Variants in SGK3 observed in about 807,000 individuals in gnomAD.
The protein encoded by SGK3 is serine/threonine-protein kinase Sgk3.
SGK3 carries 47 observed loss-of-function variants against 68.5 expected under a neutral mutation model. That is an observed-to-expected ratio of 0.69 (90% CI 0.54 to 0.87). The LOEUF is 0.87. Ranked by LOEUF, SGK3 falls within the 40% of genes least tolerant of loss-of-function variation. The probability of loss-of-function intolerance (pLI) is 0.00; values close to 1 mark genes in which losing one functional copy is unlikely to be tolerated. For missense variants in SGK3, 479 were observed against 575.5 expected (o/e 0.83, Z 1.72); for synonymous variants, 181 against 189.1 (o/e 0.96, Z 0.35).
At chr8:66,755,258 C>CAAAAA in intron 1 of SGK3, among the ~76,000 whole-genome samples, 1 of 87,024 alleles carries the variant, frequency 1.1e-5, no homozygotes, top group African/African-American at 3.6e-5. Flanking sequence ...GACTCCATCT[C>CAAAAA]AAAAAAAAAA....
intron 1 of SGK3, among the ~76,000 whole-genome samples, chr8:66,740,602 T>C (rs1039812218): frequency 6.6e-6 from 1 of 152,206 alleles, no homozygotes. Flanking sequence ...GGTCATCTGC[T>C]CACACCTTAA....
chr8:66,794,624 C>T (rs1057432705), intron 2 of SGK3, among the ~76,000 whole-genome samples: 1 of 152,084 alleles, frequency 6.6e-6, no homozygotes, highest in Admixed American at 6.6e-5. Flanking sequence ...TTAACCAGGT[C>T]TCAGGATAAA....
intron 1 of SGK3, among the ~76,000 whole-genome samples, chr8:66,787,001 C>A (rs541103225): frequency 4.1e-4 from 51 of 124,042 alleles, no homozygotes; most frequent in African/African-American, 1.5e-3. Context: ...GCAGTAGCAC[C>A]ATCTTGGCTC....
At chr8:66,771,173 A>G (rs1013378163) in intron 1 of SGK3, among the ~76,000 whole-genome samples, 1 of 152,192 alleles carries the variant, frequency 6.6e-6, no homozygotes, top group Non-Finnish European at 1.5e-5. Flanking sequence ...GGAGAGGTAG[A>G]GAAAAGTTTC....
At position 66,723,158 on chromosome 8, in the gene SGK3, AG is replaced by A. The variant is rs201835399; in HGVS notation, c.-122+10328del. ...TTTTTTTTTTTTTTTTTTTTGTAAAAGGGTCGGCTGGGCACAGCGACTTACG... is the reference window on the plus strand; with the variant it reads ...TTTTTTTTTTTTTTTTTTTTGTAAAAGGTCGGCTGGGCACAGCGACTTACG... On this transcript the variant is annotated intron_variant, in intron 1 of 16. Transcript: ENST00000521198. 4.0e-3 allele frequency among the ~76,000 whole-genome samples: 304 copies of A among 76,614 alleles called. 9 individuals carry two copies. In the Admixed American group the frequency reaches 0.041, roughly 10 times the overall value. 50.3% of individuals were successfully genotyped at this position (76,614 alleles called of 152,430 possible).
At chr8:66,738,619 C>G (rs1437217984) in intron 1 of SGK3, among the ~76,000 whole-genome samples, 1 of 150,440 alleles carries the variant, frequency 6.6e-6, no homozygotes, top group African/African-American at 2.5e-5. Flanking sequence ...AGAACTGGCT[C>G]AAGATCCACT....
intron 1 of SGK3, among the ~76,000 whole-genome samples, chr8:66,731,237 G>A (rs1484300329): frequency 6.6e-6 from 1 of 152,126 alleles, no homozygotes; most frequent in African/African-American, 2.4e-5. Context: ...GTGTATGTTA[G>A]AAGAATATGT....
chr8:66,723,090 CATATATATATAT>C (rs1168038766), intron 1 of SGK3, among the ~76,000 whole-genome samples: 62 of 21,274 alleles, frequency 2.9e-3, no homozygotes, highest in Admixed American at 5.7e-3. Context: ...AGATTTTGTT[CATATATATATAT>C]ATATATATAT....
At chr8:66,851,179 A>G (rs907131608) in intron 16 of SGK3, among the ~76,000 whole-genome samples, 6 of 152,130 alleles carry the variant, frequency 3.9e-5, no homozygotes, top group Non-Finnish European at 7.4e-5. Flanking sequence ...ATAAGAAAAG[A>G]ATGAACTCAA....
At chr8:66,763,543 G>T (rs1469637949) in intron 1 of SGK3, among the ~76,000 whole-genome samples, 3 of 152,058 alleles carry the variant, frequency 2.0e-5, no homozygotes, top group Non-Finnish European at 4.4e-5. Context: ...CATAATCTTG[G>T]TACTAGGGGT....
chr8:66,813,947 G>C lies in SGK3; in HGVS notation c.329+19G>C. 6.4e-7 allele frequency: 1 copy of C among 1,553,756 alleles called. No homozygotes were observed. The highest frequency in any genetic ancestry group is 8.7e-7 in the Non-Finnish European group (1 of 1,151,932). On this transcript the variant is annotated intron_variant, in intron 5 of 16. Transcript: ENST00000521198. The stretch of plus-strand genomic sequence containing the variant: ...ATAACCAGTAAGTAATTTTTGTTGC[G>C]TTCTAAAGGGACATTAAAACTAAAC...
At chr8:66,723,106 TATATATATATATATATATATA>T (rs1563595087) in intron 1 of SGK3, among the ~76,000 whole-genome samples, 4 of 39,984 alleles carry the variant, frequency 1.0e-4, no homozygotes, top group Non-Finnish European at 2.0e-4. Flanking sequence ...TATATATATA[TATATATATATATATATATATA>T]TATATTTTTT....
chr8:66,836,221 T>C, intron 10 of SGK3, 147 bp downstream of exon 10: 1 of 1,102,450 alleles, frequency 9.1e-7, no homozygotes, highest in Non-Finnish European at 1.3e-6. Flanking sequence ...GTACAGGATG[T>C]GGAGAATTGT....
intron 3 of SGK3, 51 bp from the exon 4 acceptor site, chr8:66,804,324 C>G: frequency 6.6e-7 from 1 of 1,510,890 alleles, no homozygotes; most frequent in Non-Finnish European, 9.0e-7. Flanking sequence ...GTGTGCATAA[C>G]TAGAAGACTT....
intron 1 of SGK3, among the ~76,000 whole-genome samples, chr8:66,769,372 C>T (rs916600616): frequency 2.6e-5 from 4 of 152,140 alleles, no homozygotes; most frequent in Admixed American, 6.5e-5. Context: ...TACAGATGTG[C>T]GCCACCATGC....
chr8:66,844,981 C>T (rs1332046486), intron 14 of SGK3, among the ~76,000 whole-genome samples: 1 of 152,186 alleles, frequency 6.6e-6, no homozygotes, highest in Non-Finnish European at 1.5e-5. Context: ...CTTGATATTT[C>T]AGAATCCTTC....
At chr8:66,749,574 T>A (rs1172360134) in intron 1 of SGK3, among the ~76,000 whole-genome samples, 2 of 152,146 alleles carry the variant, frequency 1.3e-5, no homozygotes, top group African/African-American at 4.8e-5. Context: ...TTTCTGAATT[T>A]CATATGAAAC....
intron 13 of SGK3, among the ~76,000 whole-genome samples, chr8:66,843,226 C>T (rs1263851934): frequency 6.6e-6 from 1 of 152,072 alleles, no homozygotes; most frequent in Admixed American, 6.5e-5. Context: ...TTAACTGTAT[C>T]ACAGTTTCCA....
At chr8:66,740,442 T>G (rs1805445384) in intron 1 of SGK3, among the ~76,000 whole-genome samples, 1 of 152,196 alleles carries the variant, frequency 6.6e-6, no homozygotes, top group East Asian at 1.9e-4. Context: ...TCCATTTCAT[T>G]ATATGTCAGC....
Sources: allele counts gnomAD v4.1 joint callset (sites outside exome capture counted in the v4.1 genomes callset), GRCh38; gene constraint gnomAD v4.1.1; transcripts MANE v1.5; gene names NCBI Gene and HGNC (gene_info 2026-07-23, HGNC 2026-07-21).